Variants in PGS1 observed in about 807,000 individuals in gnomAD.
PGS1 encodes the protein CDP-diacylglycerol--glycerol-3-phosphate 3-phosphatidyltransferase, mitochondrial.
Under a neutral mutation model 58.3 loss-of-function variants are expected in PGS1, and 44 were observed. The observed-to-expected ratio is 0.75, with a 90% confidence interval of 0.59 to 0.97. The LOEUF (loss-of-function observed/expected upper bound fraction) is 0.97, where lower values mean the gene tolerates loss of function less well. Ranked by LOEUF, PGS1 falls within the 50% of genes least tolerant of loss-of-function variation. PGS1 has a pLI of 0.00. For synonymous variants in PGS1, 330 were observed against 311.0 expected, an observed-to-expected ratio of 1.06 and a Z score of -0.64; for missense variants, 684 against 731.1, an observed-to-expected ratio of 0.94 and a Z score of 0.74.
At chr17:78,392,235 C>T (rs2082887596) in intron 1 of PGS1, among the ~76,000 whole-genome samples, 1 of 152,168 alleles carries the variant, frequency 6.6e-6, no homozygotes, top group Admixed American at 6.5e-5. Flanking sequence ...ATTGACACTT[C>T]TCAAGTTGCT....
At chr17:78,410,462 C>CTTTTT (rs572547320) in intron 7 of PGS1, among the ~76,000 whole-genome samples, 5 of 73,532 alleles carry the variant, frequency 6.8e-5, no homozygotes, top group Admixed American at 1.8e-4. Context: ...AACTTCAGAG[C>CTTTTT]TTTTTTTTTT....
intron 7 of PGS1, 134 bp from the exon 8 acceptor site, chr17:78,414,745 G>A (rs1009177019): frequency 5.1e-6 from 5 of 979,274 alleles, no homozygotes; most frequent in East Asian, 2.5e-5. Context: ...TGGCCTGTCC[G>A]CCGCTCTGCA....
chr17:78,379,975 T>G (rs1236546263), intron 1 of PGS1, among the ~76,000 whole-genome samples: 1 of 151,690 alleles, frequency 6.6e-6, no homozygotes, highest in African/African-American at 2.4e-5. Flanking sequence ...CAAGCGATTC[T>G]CCTGCCTCAG....
intron 8 of PGS1, among the ~76,000 whole-genome samples, chr17:78,417,693 C>A (rs2085312825): frequency 6.6e-6 from 1 of 151,962 alleles, no homozygotes; most frequent in Admixed American, 6.6e-5. Flanking sequence ...CACTGTGCTT[C>A]TGTGGTCATC....
At chr17:78,412,640 G>A (rs1012917432) in intron 7 of PGS1, among the ~76,000 whole-genome samples, 1 of 152,156 alleles carries the variant, frequency 6.6e-6, no homozygotes, top group African/African-American at 2.4e-5. Context: ...TTCCCCACCA[G>A]ATTCTGTGGT....
chr17:78,405,432 A>G (rs1383748264), intron 7 of PGS1, among the ~76,000 whole-genome samples: 3 of 151,770 alleles, frequency 2.0e-5, no homozygotes, highest in Non-Finnish European at 2.9e-5. Flanking sequence ...TTTTTTCCCC[A>G]TAGCTGAGGA....
At chr17:78,393,956 G>A (rs899436248) in intron 2 of PGS1, among the ~76,000 whole-genome samples, 9 of 152,006 alleles carry the variant, frequency 5.9e-5, no homozygotes, top group East Asian at 3.9e-4. Flanking sequence ...GGCTGAGGCC[G>A]GTGGATCACC....
intron 1 of PGS1, among the ~76,000 whole-genome samples, chr17:78,382,075 G>GTTTTGAAGGAGGGGTCGGA (rs1166392699): frequency 1.3e-5 from 2 of 152,170 alleles, no homozygotes; most frequent in Non-Finnish European, 2.9e-5. Context: ...GCTCAGAGCT[G>GTTTTGAAGGAGGGGTCGGA]TTTTGAAGGA....
At chr17:78,390,941 CTT>C (rs924474455) in intron 1 of PGS1, among the ~76,000 whole-genome samples, 2 of 149,910 alleles carry the variant, frequency 1.3e-5, no homozygotes, top group Non-Finnish European at 3.0e-5. Context: ...CATCATCACT[CTT>C]TTTTTTTTCT....
At chr17:78,379,927 C>T (rs1006761531) in intron 1 of PGS1, among the ~76,000 whole-genome samples, 21 of 149,612 alleles carry the variant, frequency 1.4e-4, no homozygotes, top group African/African-American at 4.9e-4. Flanking sequence ...AGTGCAATGG[C>T]GCAATCTTGG....
Position 78,398,349 on chromosome 17 carries a change from G to C in PGS1, c.509G>C (p.Arg170Pro). The change falls in exon 4 of 10, where the codon CGA becomes CCA. Residue 170 changes from arginine to proline, a missense_variant and splice_region_variant. Physicochemically the swap from Arg to Pro is moderately radical, Grantham distance 103. Coordinates refer to ENST00000262764, the MANE Select transcript of PGS1 (RefSeq NM_024419.5). ...CTCTTAGACTTCACGCGGGGCTCAC[G>C]AGGTAGGTGGCATGCAAGCCTGGCC... ...SILLDFTRGS[R>P]GRKNSRTMLL... The C allele has an allele frequency of 6.2e-7, 1 of 1,610,158 alleles. No individual in the cohort carries two copies. The highest frequency in any genetic ancestry group is 8.5e-7 in the Non-Finnish European group (1 of 1,176,504).
Position 78,414,354 on chromosome 17 carries a change from G to A in PGS1, c.1403-525G>A, listed in dbSNP as rs548687529. On this transcript the variant is annotated intron_variant, in intron 7 of 9. Coordinates refer to ENST00000262764, the MANE Select transcript of PGS1 (RefSeq NM_024419.5). ...TGTCCTTCACCATCTGCCGTGTTGC[G>A]CGCTGAGGTGGCTGCTTCTGAGAAG... Among the ~76,000 whole-genome samples the A allele has an allele frequency of 3.9e-5, 6 of 152,286 alleles. No individual in the cohort carries two copies. In the East Asian group the frequency reaches 5.8e-4, roughly 15 times the overall value.
intron 7 of PGS1, among the ~76,000 whole-genome samples, chr17:78,412,382 A>C (rs2084791753): frequency 6.6e-6 from 1 of 152,054 alleles, no homozygotes; most frequent in Non-Finnish European, 1.5e-5. Context: ...CCTGCTGAAA[A>C]ACCCTTATTC....
At chr17:78,387,297 C>T (rs575569428) in intron 1 of PGS1, among the ~76,000 whole-genome samples, 2 of 151,802 alleles carry the variant, frequency 1.3e-5, no homozygotes, top group Non-Finnish European at 2.9e-5. Flanking sequence ...AGCCACTGCG[C>T]CCAGCCTTTT....
intron 7 of PGS1, 139 bp downstream of exon 7, chr17:78,404,228 C>A: frequency 1.1e-6 from 1 of 882,846 alleles, no homozygotes; most frequent in Non-Finnish European, 1.7e-6. Context: ...GCAGGCACAT[C>A]ATAGCTGTCC....
intron 9 of PGS1, 74 bp from the exon 10 acceptor site, chr17:78,423,987 A>C (rs1228050179): frequency 4.3e-6 from 7 of 1,614,018 alleles, no homozygotes; most frequent in Non-Finnish European, 5.9e-6. Context: ...AGGTCCAGAC[A>C]TAGGTGGGGC....
chr17:78,395,941 T>C (rs1240098343), intron 2 of PGS1, among the ~76,000 whole-genome samples: 2 of 152,246 alleles, frequency 1.3e-5, no homozygotes, highest in Middle Eastern at 3.2e-3. Context: ...GGTTTCGCCA[T>C]GTTGGCCAGG....
intron 6 of PGS1, among the ~76,000 whole-genome samples, chr17:78,402,272 C>T (rs952874820): frequency 1.3e-5 from 2 of 152,214 alleles, no homozygotes; most frequent in African/African-American, 4.8e-5. Context: ...CCCTCCTTCC[C>T]TGTTTCACTT....
At position 78,400,638 on chromosome 17, in the gene PGS1, T is replaced by G. The variant is rs1567968895; in HGVS notation, c.702-39T>G. On this transcript the variant is annotated intron_variant, in intron 5 of 9. Transcript: ENST00000262764. This position sits in a 1 kb window ranked among gnomAD's most constrained non-coding sequence, Gnocchi z 4.4. ...ACCAGGACACGCTGCTGCATACCCTTGCCTGAGTCCTCCTCACCTGCATCT... is the reference window on the plus strand; with the variant it reads ...ACCAGGACACGCTGCTGCATACCCTGGCCTGAGTCCTCCTCACCTGCATCT... 2 of 1,596,148 alleles carry G rather than the reference T, an allele frequency of 1.3e-6. No individual in the cohort carries two copies. The highest frequency in any genetic ancestry group is 2.2e-5 in the East Asian group (1 of 44,654).
Sources: allele counts gnomAD v4.1 joint callset (sites outside exome capture counted in the v4.1 genomes callset), GRCh38; gene constraint gnomAD v4.1.1; non-coding constraint Gnocchi (gnomAD v3.1); transcripts MANE v1.5; gene names NCBI Gene and HGNC (gene_info 2026-07-23, HGNC 2026-07-21).